The following PCDHGA11 variants were observed in gnomAD, a reference collection of about 807,000 sequenced individuals.
PCDHGA11 encodes the protein protocadherin gamma subfamily A, 11, also known as protocadherin gamma-A11.
A neutral mutation model predicts 60.4 loss-of-function variants in PCDHGA11; 39 were observed. The observed-to-expected ratio is 0.65, with a 90% confidence interval of 0.50 to 0.84. PCDHGA11 has a LOEUF of 0.84. Ranked by LOEUF, PCDHGA11 falls within the 40% of genes least tolerant of loss-of-function variation. The probability of loss-of-function intolerance (pLI) is 0.00; values close to 1 mark genes in which losing one functional copy is unlikely to be tolerated. For synonymous variants in PCDHGA11, 533 were observed against 510.3 expected, an observed-to-expected ratio of 1.04 and a Z score of -0.60; for missense variants, 1,165 against 1,197.7, an observed-to-expected ratio of 0.97 and a Z score of 0.40.
chr5:141,426,676 A>T (rs1209949988), intron 1 of PCDHGA11: 4 of 431,700 alleles, frequency 9.3e-6, no homozygotes, highest in Non-Finnish European at 1.9e-5. Context: ...AACCCACCTC[A>T]TTTTCCCCAA....
At chr5:141,483,385 G>C (rs1166547027) in intron 1 of PCDHGA11, among the ~76,000 whole-genome samples, 1 of 152,160 alleles carries the variant, frequency 6.6e-6, no homozygotes, top group Non-Finnish European at 1.5e-5. Context: ...AGAGAAGATT[G>C]ATAAATGCTT....
At chr5:141,448,921 G>A (rs1323304761) in intron 1 of PCDHGA11, among the ~76,000 whole-genome samples, 3 of 152,120 alleles carry the variant, frequency 2.0e-5, no homozygotes, top group Admixed American at 1.3e-4. Flanking sequence ...CTCCAGCCTG[G>A]GCGACAGAGC....
intron 1 of PCDHGA11, chr5:141,492,073 G>C (rs2099736846): frequency 6.2e-6 from 3 of 480,898 alleles, no homozygotes; most frequent in Non-Finnish European, 1.1e-5. Flanking sequence ...CCTAGGCGCC[G>C]GCTCCGGCAC....
chr5:141,437,765 G>C (rs1561886251), intron 1 of PCDHGA11, among the ~76,000 whole-genome samples: 1 of 148,074 alleles, frequency 6.8e-6, no homozygotes, highest in African/African-American at 2.5e-5. Flanking sequence ...TTGAGACAGA[G>C]TCTCAATCTG....
rs748605515 is a variant in PCDHGA11 at position 141,486,688 on chromosome 5, C to T, written c.2434-8119C>T. ...CCAGGAATCGAGATGTATCAGCTTC[C>T]TCTTTCATCTCTCTGAACCCCCAGA... On this transcript the variant is annotated intron_variant, in intron 1 of 3. Transcript: ENST00000398587. The surrounding 1 kb of genome is among the most constrained non-coding windows in gnomAD (Gnocchi z 5.0). 2 of 1,614,170 alleles carry T rather than the reference C, an allele frequency of 1.2e-6. No individual in the cohort carries two copies. The highest frequency in any genetic ancestry group is 1.1e-5 in the South Asian group (1 of 91,086).
chr5:141,453,559 C>T (rs2098769120), intron 1 of PCDHGA11, among the ~76,000 whole-genome samples: 1 of 152,126 alleles, frequency 6.6e-6, no homozygotes, highest in Non-Finnish European at 1.5e-5. Context: ...TGTAGATAAT[C>T]GATTTCATTA....
rs758715682 is a variant in PCDHGA11, at chr5:141,490,062, C to T, written c.2434-4745C>T. The T allele has an allele frequency of 2.6e-5, 42 of 1,614,100 alleles. No individual in the cohort carries two copies. The highest frequency in any genetic ancestry group is 3.3e-5 in the South Asian group (3 of 91,086). On this transcript the variant is annotated intron_variant, in intron 1 of 3. Coordinates refer to ENST00000398587, the MANE Select transcript of PCDHGA11 (RefSeq NM_018914.3). The surrounding 1 kb of genome is among the most constrained non-coding windows in gnomAD (Gnocchi z 5.4). The stretch of plus-strand genomic sequence containing the variant: ...CCACTGATCCAGACGAGGGCACCAA[C>T]GGCCAACTAGACTATTCTTTTGGAG...
intron 1 of PCDHGA11, among the ~76,000 whole-genome samples, chr5:141,452,199 G>T (rs2098736057): frequency 1.3e-5 from 2 of 151,778 alleles, no homozygotes; most frequent in African/African-American, 4.8e-5. Flanking sequence ...AATTGTTTTA[G>T]ATGTTACCAA....
At position 141,486,059 on chromosome 5, in the gene PCDHGA11, C is replaced by T. The variant is rs141349392; in HGVS notation, c.2434-8748C>T. ...TCGTGTAAGAAACCTCTTTAGCCTG[C>T]ACCCCACTACTGGAAAGCTTACTCT... On this transcript the variant is annotated intron_variant, in intron 1 of 3. Transcript: ENST00000398587. The surrounding 1 kb of genome is among the most constrained non-coding windows in gnomAD (Gnocchi z 5.0). The T allele has an allele frequency of 9.0e-5, 146 of 1,614,034 alleles. No individual in the cohort carries two copies. The highest frequency in any genetic ancestry group is 1.2e-4 in the Non-Finnish European group (138 of 1,180,018).
chr5:141,474,170 T>G (rs535586079), intron 1 of PCDHGA11, among the ~76,000 whole-genome samples: 1 of 152,346 alleles, frequency 6.6e-6, no homozygotes, highest in South Asian at 2.1e-4. Flanking sequence ...GCCTTATTAT[T>G]GAGAAAACTA....
chr5:141,499,689 C>CTTTTT (rs545067566), intron 2 of PCDHGA11, among the ~76,000 whole-genome samples: 5 of 119,848 alleles, frequency 4.2e-5, no homozygotes, highest in Admixed American at 8.7e-5. Context: ...TAACAGATGA[C>CTTTTT]TTTTTTTTTT....
At chr5:141,445,471 T>A (rs533909401) in intron 1 of PCDHGA11, among the ~76,000 whole-genome samples, 17 of 152,204 alleles carry the variant, frequency 1.1e-4, no homozygotes, top group Non-Finnish European at 2.4e-4. Context: ...AAGGCATATA[T>A]GATTCCTGAG....
intron 1 of PCDHGA11, among the ~76,000 whole-genome samples, chr5:141,459,724 T>C (rs1440632046): frequency 6.6e-6 from 1 of 152,250 alleles, no homozygotes; most frequent in Non-Finnish European, 1.5e-5. Context: ...TGCTTCCTAT[T>C]GTCAATTTTT....
At chr5:141,429,929 T>A (rs2097253197) in intron 1 of PCDHGA11, among the ~76,000 whole-genome samples, 1 of 152,240 alleles carries the variant, frequency 6.6e-6, no homozygotes, top group African/African-American at 2.4e-5. Flanking sequence ...AATAGAATTC[T>A]GGAGTACTTC....
chr5:141,441,884 C>A (rs2098281796), intron 1 of PCDHGA11: 10 of 343,702 alleles, frequency 2.9e-5, no homozygotes, highest in South Asian at 2.6e-4. Context: ...TACCTGGTCA[C>A]CAAGGTGGTG....
chr5:141,474,566 G>A (rs2154572064), intron 1 of PCDHGA11, among the ~76,000 whole-genome samples: 1 of 152,336 alleles, frequency 6.6e-6, no homozygotes, highest in Non-Finnish European at 1.5e-5. Flanking sequence ...GGTTTTCAGA[G>A]ATTAATTGAA....
rs767547572 is a variant in PCDHGA11 at position 141,505,495 on chromosome 5, G to C, written c.2581+14G>C. On this transcript the variant is annotated intron_variant, in intron 3 of 3. Coordinates refer to ENST00000398587, the MANE Select transcript of PCDHGA11 (RefSeq NM_018914.3). The stretch of plus-strand genomic sequence containing the variant: ...CGTCCGCCAGTGGTAAGTGGTGTCA[G>C]TGTGTGTATGGAAGAGTGGGAGACC... 5 of 1,614,210 alleles carry C rather than the reference G, an allele frequency of 3.1e-6. No individual in the cohort carries two copies. Among genetic ancestry groups the C allele is most frequent in the Non-Finnish European group, 4.2e-6 (5 of 1,180,000 alleles).
At position 141,486,530 on chromosome 5, in the gene PCDHGA11, C is replaced by T; in HGVS notation, c.2434-8277C>T. 6.2e-7 allele frequency: 1 copy of T among 1,614,174 alleles called. No homozygotes were observed. The highest frequency in any genetic ancestry group is 8.5e-7 in the Non-Finnish European group (1 of 1,180,022). On this transcript the variant is annotated intron_variant, in intron 1 of 3. Transcript: ENST00000398587. The surrounding 1 kb of genome is among the most constrained non-coding windows in gnomAD (Gnocchi z 5.0). Reference sequence around the variant, plus strand: ...TATTTCAGATGTGAATGATAATCCACCCTCTTTCTTTCAGAGGTCACATGA... The same window carrying T: ...TATTTCAGATGTGAATGATAATCCATCCTCTTTCTTTCAGAGGTCACATGA...
intron 1 of PCDHGA11, among the ~76,000 whole-genome samples, chr5:141,425,997 A>T (rs1365887915): frequency 6.6e-6 from 1 of 152,174 alleles, no homozygotes; most frequent in African/African-American, 2.4e-5. Context: ...GAATTAGCAA[A>T]GGCTTCCGGC....
Sources: allele counts gnomAD v4.1 joint callset (sites outside exome capture counted in the v4.1 genomes callset), GRCh38; gene constraint gnomAD v4.1.1; non-coding constraint Gnocchi (gnomAD v3.1); transcripts MANE v1.5; gene names NCBI Gene and HGNC (gene_info 2026-07-23, HGNC 2026-07-21).